Variants in RGS12 observed in about 807,000 individuals in gnomAD.
RGS12 encodes regulator of G-protein signaling 12.
Under a neutral mutation model 120.1 loss-of-function variants are expected in RGS12, and 66 were observed. The ratio of observed to expected loss-of-function variants is 0.55; its 90% CI spans 0.45 to 0.67. The LOEUF is 0.67. Among genes scored for constraint, RGS12 ranks in the 30% least tolerant of loss-of-function variants. The pLI, the probability that RGS12 is intolerant of heterozygous loss-of-function variation, is 0.00. For synonymous variants in RGS12, 827 were observed against 804.7 expected (o/e 1.03, Z -0.47); for missense variants, 1,859 against 1,957.7 (o/e 0.95, Z 0.95).
At position 3,372,626 on chromosome 4, in the gene RGS12, G is replaced by A. The variant is rs954683870; in HGVS notation, c.1999-13790G>A. Among the ~76,000 whole-genome samples the A allele has an allele frequency of 6.6e-6, 1 of 152,250 alleles. No homozygotes were observed. Among genetic ancestry groups the A allele is most frequent in the Non-Finnish European group, 1.5e-5 (1 of 68,048 alleles). On this transcript the variant is annotated intron_variant, in intron 3 of 17. Transcript: ENST00000336727. The surrounding 1 kb of genome is among the most constrained non-coding windows in gnomAD (Gnocchi z 4.3). ...CATGGAGGTGGCGGCGGCCATCAGG[G>A]TGTGGTTTTGTGACGTCTCAGGGTG... is the stretch of plus-strand genomic sequence containing the variant.
At chr4:3,347,262 G>A (rs1713888916) in intron 3 of RGS12, among the ~76,000 whole-genome samples, 1 of 152,146 alleles carries the variant, frequency 6.6e-6, no homozygotes, top group Non-Finnish European at 1.5e-5. Flanking sequence ...GGCTAACGTG[G>A]TGAGACCCCG....
At chr4:3,434,539 T>C (rs969264778) in intron 17 of RGS12, among the ~76,000 whole-genome samples, 3 of 152,198 alleles carry the variant, frequency 2.0e-5, no homozygotes, top group Non-Finnish European at 4.4e-5. Context: ...AATGCTCACC[T>C]TCTGTTCTCG....
At position 3,430,872 on chromosome 4, in the gene RGS12, G is replaced by T. The variant is rs1382990555; in HGVS notation, c.4031G>T (p.Gly1344Val). 1 of 1,612,386 alleles carries T rather than the reference G, an allele frequency of 6.2e-7. No individual in the cohort carries two copies. Among genetic ancestry groups the T allele is most frequent in the South Asian group, 1.1e-5 (1 of 90,942 alleles). Residue 1344 changes from glycine to valine, a missense_variant, in exon 17 of 18, where the codon GGG becomes GTG. Gly to Val is a moderately radical substitution (Grantham distance 109). Around this residue, in one of 3 missense-constraint regions of RGS12, gnomAD observed 517 missense variants for 488.5 expected, o/e 1.06. Coordinates refer to ENST00000336727, the MANE Select transcript of RGS12 (RefSeq NM_001394154.1). ...DEHVAELTLMGEGDISSPNST... is the reference protein window; with the variant it reads ...DEHVAELTLMVEGDISSPNST... The stretch of plus-strand genomic sequence containing the variant: ...CACGTGGCCGAGCTGACCCTGATGG[G>T]GGAGGGGGACATCAGCAGCCCCAAC...
Position 3,439,393 on chromosome 4 carries a change from G to A in RGS12, c.4115-62G>A, listed in dbSNP as rs550460324. On this transcript the variant is annotated intron_variant, in intron 17 of 17. Transcript: ENST00000336727. ...TGTGCAGGGGCCTTCGGGGTAGGGG[G>A]TGGGTTCCGGGGGCCCAGGGCCGGG... The A allele has an allele frequency of 1.7e-4, 267 of 1,547,298 alleles. No homozygotes were observed. In the African/African-American group the frequency reaches 3.3e-3, roughly 19 times the overall value.
chr4:3,417,304 C>A, intron 8 of RGS12, 84 bp from the exon 9 acceptor site: 1 of 1,431,724 alleles, frequency 7.0e-7, no homozygotes, highest in Non-Finnish European at 9.3e-7. Flanking sequence ...CTTGTGTTTA[C>A]AGCTCAGTAT....
intron 1 of RGS12, among the ~76,000 whole-genome samples, chr4:3,296,688 G>A (rs1015015663): frequency 2.0e-5 from 3 of 152,220 alleles, no homozygotes; most frequent in African/African-American, 7.2e-5. Context: ...TTTTCCCATT[G>A]TGTGCGAGGA....
Position 3,318,034 on chromosome 4 carries a change from A to G in RGS12, c.1864A>G (p.Thr622Ala). 6.3e-7 allele frequency: 1 copy of G among 1,590,204 alleles called. No individual in the cohort carries two copies. The highest frequency in any genetic ancestry group is 8.6e-7 in the Non-Finnish European group (1 of 1,165,512). ...IFGPHRNVRKTKEDKKGSKFG... is the reference protein window; with the variant it reads ...IFGPHRNVRKAKEDKKGSKFG... Reference sequence around the variant, plus strand: ...TGGTCCCCATCGAAATGTTCGAAAGACTAAGGAAGATAAAAAGGTAAGCCT... The same window carrying G: ...TGGTCCCCATCGAAATGTTCGAAAGGCTAAGGAAGATAAAAAGGTAAGCCT... Residue 622 changes from threonine to alanine, a missense_variant, in exon 2 of 18, where the codon ACT becomes GCT. By Grantham distance (58) the Thr-to-Ala change is moderately conservative. Around this residue, in one of 3 missense-constraint regions of RGS12, gnomAD observed 967 missense variants for 994.2 expected, o/e 0.97. Coordinates refer to ENST00000336727, the MANE Select transcript of RGS12 (RefSeq NM_001394154.1).
At chr4:3,387,654 G>A (rs1718993580) in intron 4 of RGS12, among the ~76,000 whole-genome samples, 2 of 152,194 alleles carry the variant, frequency 1.3e-5, no homozygotes, top group South Asian at 4.1e-4. Flanking sequence ...TTAAGGTGGA[G>A]GGAGGATAAA....
At chr4:3,286,148 C>A in the RGS12 span, among the ~76,000 whole-genome samples, 1 of 152,342 alleles carries the variant, frequency 6.6e-6, no homozygotes, top group Non-Finnish European at 1.5e-5. Context: ...CAGGGAGGGT[C>A]ACCAACTGTC....
intron 1 of RGS12, among the ~76,000 whole-genome samples, chr4:3,309,360 C>CACT (rs1724171686): frequency 1.5e-5 from 2 of 133,738 alleles, no homozygotes; most frequent in African/African-American, 6.4e-5. Context: ...GGCAGGTGTC[C>CACT]GCTGAGGGGA....
At chr4:3,337,745 T>A (rs891735939) in intron 2 of RGS12, among the ~76,000 whole-genome samples, 1 of 152,196 alleles carries the variant, frequency 6.6e-6, no homozygotes, top group African/African-American at 2.4e-5. Flanking sequence ...TCTGGGAAGA[T>A]GAAAAATTCT....
intron 3 of RGS12, among the ~76,000 whole-genome samples, chr4:3,344,428 ACTGCCATG>A (rs1308861940): frequency 6.6e-6 from 1 of 152,168 alleles, no homozygotes; most frequent in Non-Finnish European, 1.5e-5. Flanking sequence ...TTTGGCTCAT[ACTGCCATG>A]CTGAGCTGAC....
In RGS12 at chr4:3,430,709, C is replaced by G. The variant is rs535694501; in HGVS notation, c.3868C>G (p.Pro1290Ala). 78 of 1,580,952 alleles carry G rather than the reference C, an allele frequency of 4.9e-5. No homozygotes were observed. Among genetic ancestry groups the G allele is most frequent in the South Asian group, 2.1e-4 (18 of 85,516 alleles). Residue 1290 changes from proline (P) to alanine (A), a missense_variant, in exon 17 of 18, where the codon CCC (proline) becomes GCC (alanine). Around this residue, in one of 3 missense-constraint regions of RGS12, gnomAD observed 517 missense variants for 488.5 expected, o/e 1.06. Coordinates refer to ENST00000336727, the MANE Select transcript of RGS12 (RefSeq NM_001394154.1). ...CCCTGGACCTCCTGGGACGACCCCC[C>G]CCGGGCAGAAGTCTCCCAGCGGGCC... ...SPPGPPGTTP[P>A]GQKSPSGPFC...
At chr4:3,294,556 C>T (rs892878847) in intron 1 of RGS12, among the ~76,000 whole-genome samples, 12 of 152,204 alleles carry the variant, frequency 7.9e-5, no homozygotes, top group East Asian at 5.8e-4. Context: ...ATCCGGTGCC[C>T]GGGCCCTGCG....
chr4:3,322,104 G>T (rs540603686), intron 2 of RGS12, among the ~76,000 whole-genome samples: 1 of 152,300 alleles, frequency 6.6e-6, no homozygotes, highest in African/African-American at 2.4e-5. Flanking sequence ...CGCCCTCAGT[G>T]GCCACTTGCT....
chr4:3,362,701 G>A (rs1715775336), intron 3 of RGS12, among the ~76,000 whole-genome samples: 2 of 146,424 alleles, frequency 1.4e-5, no homozygotes, highest in Non-Finnish European at 3.0e-5. Flanking sequence ...GTGAGGGTGT[G>A]TGTGAGGCTG....
chr4:3,341,144 C>A (rs1713046423), intron 2 of RGS12, among the ~76,000 whole-genome samples: 1 of 148,606 alleles, frequency 6.7e-6, no homozygotes, highest in South Asian at 2.2e-4. Flanking sequence ...GATAGTGACA[C>A]CCCTCTGCCC....
intron 2 of RGS12, among the ~76,000 whole-genome samples, chr4:3,338,427 C>T (rs1308399357): frequency 6.6e-6 from 1 of 152,256 alleles, no homozygotes; most frequent in Non-Finnish European, 1.5e-5. Context: ...TTCTACCCTT[C>T]CCCTCCCCTC....
At chr4:3,326,498 C>T (rs1027917324) in intron 2 of RGS12, among the ~76,000 whole-genome samples, 7 of 152,156 alleles carry the variant, frequency 4.6e-5, no homozygotes, top group African/African-American at 1.4e-4. Context: ...CTGCCTGCCT[C>T]GGCTATCCAA....
Sources: allele counts gnomAD v4.1 joint callset (sites outside exome capture counted in the v4.1 genomes callset), GRCh38; gene constraint gnomAD v4.1.1; regional missense constraint gnomAD v4.1.1; non-coding constraint Gnocchi (gnomAD v3.1); transcripts MANE v1.5; gene names NCBI Gene and HGNC (gene_info 2026-07-23, HGNC 2026-07-21).